The following DISP3 variants were observed in gnomAD, a reference collection of about 807,000 sequenced individuals.
DISP3 encodes the protein dispatched RND transporter family member 3, also known as protein dispatched homolog 3.
A neutral mutation model predicts 135.3 loss-of-function variants in DISP3; 101 were observed. The observed-to-expected ratio is 0.75, with a 90% CI of 0.64 to 0.88. The LOEUF (loss-of-function observed/expected upper bound fraction) is 0.88, where lower values mean the gene tolerates loss of function less well. DISP3 is among the 40% of genes least tolerant of loss of function. The probability of loss-of-function intolerance (pLI) is 0.00; values close to 1 mark genes in which losing one functional copy is unlikely to be tolerated. For missense variants in DISP3, 1,713 were observed against 1,878.6 expected, an observed-to-expected ratio of 0.91 and a Z score of 1.63; for synonymous variants, 856 against 817.0, an observed-to-expected ratio of 1.05 and a Z score of -0.81.
rs2817630 is a variant in DISP3 at position 11,529,392 on chromosome 1, A to T, written c.2799-164A>T. Among the ~76,000 whole-genome samples, 20,346 of 152,060 alleles carry T rather than the reference A, an allele frequency of 0.13. 1,665 individuals carry two copies. Among genetic ancestry groups the T allele is most frequent in the East Asian group, 0.44 (2,287 of 5,148 alleles). On this transcript the variant is annotated intron_variant, in intron 13 of 20. Transcript: ENST00000294484. This position sits in a 1 kb window ranked among gnomAD's most constrained non-coding sequence, Gnocchi z 4.7. Reference sequence around the variant, plus strand: ...CCTCCAGACCCCCAGCCCAGGGCACATCCCCCAGCCCTCAACCTGAGAACA... The same window carrying T: ...CCTCCAGACCCCCAGCCCAGGGCACTTCCCCCAGCCCTCAACCTGAGAACA...
Position 11,502,098 on chromosome 1 carries a change from C to G in DISP3, c.1096+10C>G. 1.3e-6 allele frequency: 2 copies of G among 1,538,596 alleles called. No individual in the cohort carries two copies. Among genetic ancestry groups the G allele is most frequent in the Non-Finnish European group, 1.7e-6 (2 of 1,143,742 alleles). Reference sequence around the variant, plus strand: ...CTGGCGGACATCCGGGGTGAGCCGCCGGGATGCTGGGAGGGGGCGTAGGTC... The same window carrying G: ...CTGGCGGACATCCGGGGTGAGCCGCGGGGATGCTGGGAGGGGGCGTAGGTC... On this transcript the variant is annotated intron_variant, in intron 2 of 20. Coordinates refer to ENST00000294484, the MANE Select transcript of DISP3 (RefSeq NM_020780.2).
chr1:11,534,556 G>GC lies in DISP3; in HGVS notation c.3535+20dup. The GC allele has an allele frequency of 6.3e-7, 1 of 1,591,620 alleles. No individual in the cohort carries two copies. Among genetic ancestry groups the GC allele is most frequent in the Non-Finnish European group, 8.6e-7 (1 of 1,168,000 alleles). ...GAAATCGTAGGCAAGCGGCAGCCTC[G>GC]CCCCTCCATCCTGGGTGGGCAGGAG... is the stretch of plus-strand genomic sequence containing the variant. On this transcript the variant is annotated intron_variant, in intron 18 of 20. Coordinates refer to ENST00000294484, the MANE Select transcript of DISP3 (RefSeq NM_020780.2).
At chr1:11,534,234 G>C (rs1405874982) in intron 17 of DISP3, 147 bp from the exon 18 acceptor site, 7 of 921,090 alleles carry the variant, frequency 7.6e-6, no homozygotes, top group Non-Finnish European at 1.2e-5. Flanking sequence ...AGCTGGTGGG[G>C]ACTCATTTTG....
rs74055723 is a variant in DISP3 at position 11,520,016 on chromosome 1, C to G, written c.2200+136C>G. On this transcript the variant is annotated intron_variant, in intron 9 of 20. Transcript: ENST00000294484. This position sits in a 1 kb window ranked among gnomAD's most constrained non-coding sequence, Gnocchi z 4.8. ...TGGGGTCTCTCCCTCTCTGACCCCC[C>G]CTCTTTCCTGTGCAGAATGAAGCCG... is the stretch of plus-strand genomic sequence containing the variant. 0.013 allele frequency: 10,744 copies of G among 815,458 alleles called. 394 individuals are homozygous for G. Among genetic ancestry groups the G allele is most frequent in the African/African-American group, 0.11 (6,634 of 57,750 alleles). The allele number at this position is 815,458 out of a possible 1,614,324, so 50.5% of individuals were successfully genotyped here.
intron 12 of DISP3, 62 bp downstream of exon 12, chr1:11,525,374 C>A: frequency 6.4e-7 from 1 of 1,563,634 alleles, no homozygotes; most frequent in Non-Finnish European, 8.7e-7. Flanking sequence ...GCTCTCAGGG[C>A]CACACTGGTG....
chr1:11,493,763 T>TCA (rs978379301), intron 1 of DISP3, among the ~76,000 whole-genome samples: 18 of 151,902 alleles, frequency 1.2e-4, no homozygotes, highest in African/African-American at 3.9e-4. Flanking sequence ...ACTCTCTCTC[T>TCA]CACACACACA....
intron 1 of DISP3, among the ~76,000 whole-genome samples, chr1:11,497,684 G>A (rs894117476): frequency 2.0e-5 from 3 of 152,122 alleles, no homozygotes; most frequent in Non-Finnish European, 4.4e-5. Flanking sequence ...CACCGCACCC[G>A]GCCCATTGTA....
In DISP3 at chr1:11,501,134, C is replaced by A. The variant is rs771153482; in HGVS notation, c.142C>A (p.His48Asn). The change falls in exon 2 of 21, where the codon CAC becomes AAC. Residue 48 changes from histidine (H) to asparagine (N), a missense_variant. His to Asn is a moderately conservative substitution (Grantham distance 68). This residue lies in a region of DISP3 where 571 missense variants were observed against 494.1 expected (regional missense o/e 1.16). Coordinates refer to ENST00000294484, the MANE Select transcript of DISP3 (RefSeq NM_020780.2). The surrounding 1 kb of genome is among the most constrained non-coding windows in gnomAD (Gnocchi z 4.9). ...GGCAGGGGGACAGTGTTGCTGGCGGCACTGGCCCCTGGCTTCCCGACCCCC... is the reference window on the plus strand; with the variant it reads ...GGCAGGGGGACAGTGTTGCTGGCGGAACTGGCCCCTGGCTTCCCGACCCCC... ...PGAGGQCCWR[H>N]WPLASRPPAS... The A allele has an allele frequency of 6.2e-7, 1 of 1,613,828 alleles. No homozygotes were observed. Among genetic ancestry groups the A allele is most frequent in the East Asian group, 2.2e-5 (1 of 44,860 alleles).
chr1:11,536,565 G>A lies in DISP3; in HGVS notation c.4058G>A (p.Arg1353Gln), dbSNP rs778760304. 1.1e-5 allele frequency: 17 copies of A among 1,612,374 alleles called. No homozygotes were observed. The highest frequency in any genetic ancestry group is 2.2e-5 in the East Asian group (1 of 44,858). ...GCGCCCAGCTCTTTCACTCGGACCC[G>A]GACTTCCTTCCTCAAGGCCCTGGGT... The part of the protein sequence containing the change: ...IMAPSSFTRT[R>Q]TSFLKALGAV... The change falls in exon 21 of 21, where the codon CGG becomes CAG. Residue 1353 changes from arginine (R) to glutamine (Q), a missense_variant. Transcript: ENST00000294484. This position sits in a 1 kb window ranked among gnomAD's most constrained non-coding sequence, Gnocchi z 4.3.
chr1:11,522,738 G>GGCCCAGCGAGA (rs1642261063), intron 10 of DISP3, among the ~76,000 whole-genome samples: 1 of 28,574 alleles, frequency 3.5e-5, no homozygotes, highest in Non-Finnish European at 7.0e-5. Flanking sequence ...GCCCAGCCAG[G>GGCCCAGCGAGA]GCCCAGCCAG....
At position 11,516,303 on chromosome 1, in the gene DISP3, T is replaced by G. The variant is rs541204933; in HGVS notation, c.1749+142T>G. The G allele has an allele frequency of 9.7e-7, 1 of 1,028,178 alleles. No individual in the cohort carries two copies. Among genetic ancestry groups the G allele is most frequent in the East Asian group, 2.6e-5 (1 of 38,574 alleles). The allele number at this position is 1,028,178 out of a possible 1,614,324, so 63.7% of individuals were successfully genotyped here. On this transcript the variant is annotated intron_variant, in intron 6 of 20. Transcript: ENST00000294484. The surrounding 1 kb of genome is among the most constrained non-coding windows in gnomAD (Gnocchi z 5.1). ...ACTTGCCCTGGCTCTAGAGTTCATT[T>G]TTGTCACGAATCACCCATTACCCAA... is the stretch of plus-strand genomic sequence containing the variant.
rs367962087 is a variant in DISP3 at position 11,511,725 on chromosome 1, C to T, written c.1317-2665C>T. ...ACCCTCTTCTCACAGCTCCACTAGG[C>T]AGTGGCCCAGTAGGGACTCTGTGTG... On this transcript the variant is annotated intron_variant, in intron 3 of 20. Transcript: ENST00000294484. 1.2e-4 allele frequency among the ~76,000 whole-genome samples: 18 copies of T among 152,318 alleles called. No individual in the cohort carries two copies. In the East Asian group the frequency reaches 3.3e-3, roughly 28 times the overall value.
intron 15 of DISP3, among the ~76,000 whole-genome samples, chr1:11,530,393 G>A (rs941077408): frequency 6.6e-6 from 1 of 152,210 alleles, no homozygotes; most frequent in Non-Finnish European, 1.5e-5. Context: ...GCACGTAGTG[G>A]GTGCTAAGGA....
chr1:11,522,959 A>ACCCAGTCAGAG (rs1642288176), intron 10 of DISP3, among the ~76,000 whole-genome samples: 1 of 125,040 alleles, frequency 8.0e-6, no homozygotes, highest in African/African-American at 3.2e-5. Context: ...CCCAACCAGG[A>ACCCAGTCAGAG]CCCAGCCAGG....
Position 11,483,972 on chromosome 1 carries a change from C to T in DISP3, c.-4+4600C>T, listed in dbSNP as rs941708341. Reference sequence around the variant, plus strand: ...CAGGCCAGGGATCTTCCCAGGCAGCCGGACTGGCTTCCTTGGGTGTGTGGG... The same window carrying T: ...CAGGCCAGGGATCTTCCCAGGCAGCTGGACTGGCTTCCTTGGGTGTGTGGG... On this transcript the variant is annotated intron_variant, in intron 1 of 20. Coordinates refer to ENST00000294484, the MANE Select transcript of DISP3 (RefSeq NM_020780.2). This position sits in a 1 kb window ranked among gnomAD's most constrained non-coding sequence, Gnocchi z 5.4. Among the ~76,000 whole-genome samples the T allele has an allele frequency of 4.6e-5, 7 of 152,176 alleles. No homozygotes were observed. Among genetic ancestry groups the T allele is most frequent in the African/African-American group, 9.7e-5 (4 of 41,440 alleles).
At position 11,501,976 on chromosome 1, in the gene DISP3, C is replaced by G. The variant is rs1167490279; in HGVS notation, c.984C>G (p.Gly328=). ...AGGTGCTCAAGGATCTGCCGCTGGG[C>G]TCCTACTCCTACTGCTCGCCCCCCA... ...PHEVLKDLPL[G]SYSYCSPPSS... is the part of the protein sequence containing the mutation. The change falls in exon 2 of 21, where the codon GGC becomes GGG. Residue 328 remains glycine (G), a synonymous_variant. Transcript: ENST00000294484. The surrounding 1 kb of genome is among the most constrained non-coding windows in gnomAD (Gnocchi z 4.9). 1.9e-6 allele frequency: 3 copies of G among 1,613,882 alleles called. No homozygotes were observed. The highest frequency in any genetic ancestry group is 2.2e-5 in the South Asian group (2 of 91,042).
rs1463222827 is a variant in DISP3 at position 11,501,390 on chromosome 1, G to C, written c.398G>C (p.Trp133Ser). ...GCGCTTAAGTCCCAGTTTGGATCCT[G>C]GGGGCGGAACCGGCGCGATTTGGCC... ...TLALKSQFGS[W>S]GRNRRDLADF... The change falls in exon 2 of 21, where the codon TGG (tryptophan) becomes TCG (serine). Residue 133 changes from tryptophan to serine, a missense_variant. Physicochemically the swap from Trp to Ser is radical, Grantham distance 177 (BLOSUM62 -3). Transcript: ENST00000294484. This position sits in a 1 kb window ranked among gnomAD's most constrained non-coding sequence, Gnocchi z 4.9. The C allele has an allele frequency of 6.2e-7, 1 of 1,605,834 alleles. No individual in the cohort carries two copies. The highest frequency in any genetic ancestry group is 1.3e-5 in the African/African-American group (1 of 74,830).
chr1:11,524,062 A>C lies in DISP3; in HGVS notation c.2476+7A>C. On this transcript the variant is annotated splice_region_variant and intron_variant, in intron 11 of 20. Transcript: ENST00000294484. ...CCTGAGGCCACCCTGCAGGGTGAGC[A>C]CTGGGGGTGGAGGGTGGGGAAATCC... 1 of 1,594,860 alleles carries C rather than the reference A, an allele frequency of 6.3e-7. No homozygotes were observed. Among genetic ancestry groups the C allele is most frequent in the Non-Finnish European group, 8.6e-7 (1 of 1,163,368 alleles).
Position 11,536,285 on chromosome 1 carries a change from G to A in DISP3, c.3817-39G>A, listed in dbSNP as rs999788891. On this transcript the variant is annotated intron_variant, in intron 20 of 20. Transcript: ENST00000294484. The surrounding 1 kb of genome is among the most constrained non-coding windows in gnomAD (Gnocchi z 4.3). Reference sequence around the variant, plus strand: ...CCCAGGTGCTGGCCAGAGGGGTCCCGCAGGCAGGCTGGGCTCCCAGCTCTC... The same window carrying A: ...CCCAGGTGCTGGCCAGAGGGGTCCCACAGGCAGGCTGGGCTCCCAGCTCTC... The A allele has an allele frequency of 2.3e-5, 36 of 1,571,656 alleles. No homozygotes were observed. Among genetic ancestry groups the A allele is most frequent in the Non-Finnish European group, 2.7e-5 (32 of 1,165,532 alleles).
Sources: gnomAD v4.1 joint callset for allele counts (sites outside exome capture counted in the v4.1 genomes callset) on GRCh38, gnomAD v4.1.1 for gene constraint, gnomAD v4.1.1 regional missense constraint, Gnocchi (gnomAD v3.1) non-coding constraint, MANE v1.5 for transcripts, NCBI Gene and HGNC (gene_info 2026-07-23, HGNC 2026-07-21) for gene names.